The following SMARCC1 variants were observed in gnomAD, a reference collection of about 807,000 sequenced individuals.
The protein encoded by SMARCC1 is SWI/SNF complex subunit SMARCC1.
Under a neutral mutation model 147.4 loss-of-function variants are expected in SMARCC1, and 43 were observed. The ratio of observed to expected loss-of-function variants is 0.29; its 90% CI spans 0.23 to 0.38. The LOEUF is 0.38. Among genes scored for constraint, SMARCC1 ranks in the 10% least tolerant of loss-of-function variants. The pLI is 1.00. For synonymous variants in SMARCC1, 495 were observed against 484.4 expected (o/e 1.02, Z -0.29); for missense variants, 1,119 against 1,381.1 (o/e 0.81, Z 3.01).
chr3:47,706,721 T>C (rs1212522248), intron 9 of SMARCC1, among the ~76,000 whole-genome samples, 191 bp from the exon 10 acceptor site: 1 of 152,192 alleles, frequency 6.6e-6, no homozygotes, highest in Non-Finnish European at 1.5e-5. Context: ...TCAGGTGATA[T>C]ATATCATCAA....
chr3:47,588,449 T>C (rs1181843790), intron 27 of SMARCC1, 143 bp from the exon 28 acceptor site: 18 of 723,896 alleles, frequency 2.5e-5, no homozygotes, highest in Non-Finnish European at 4.1e-5. Flanking sequence ...GATTCCACTG[T>C]GGTCTATGCA....
chr3:47,662,772 G>T (rs1559638302), intron 19 of SMARCC1, among the ~76,000 whole-genome samples, 180 bp from the exon 20 acceptor site: 2 of 151,866 alleles, frequency 1.3e-5, no homozygotes, highest in East Asian at 3.9e-4. Flanking sequence ...TAAAAGACAT[G>T]CATACTGTAA....
chr3:47,756,065 T>A (rs936406271), intron 2 of SMARCC1, among the ~76,000 whole-genome samples: 2 of 129,702 alleles, frequency 1.5e-5, no homozygotes, highest in Non-Finnish European at 3.1e-5. Context: ...CTACAGCCAC[T>A]CAGGAAGCTG....
chr3:47,778,306 TGTTTTGTTTC>T (rs367919506), intron 1 of SMARCC1, among the ~76,000 whole-genome samples: 78 of 152,130 alleles, frequency 5.1e-4, no homozygotes, highest in African/African-American at 1.9e-3. Flanking sequence ...TTTTTTGTTT[TGTTTTGTTTC>T]GTTTTGTTTT....
At chr3:47,658,206 T>A (rs1017193216) in intron 21 of SMARCC1, among the ~76,000 whole-genome samples, 3 of 152,182 alleles carry the variant, frequency 2.0e-5, no homozygotes, top group African/African-American at 7.2e-5. Context: ...TCAACAGTTA[T>A]GAGAGAACAC....
chr3:47,711,960 T>G lies in SMARCC1; in HGVS notation c.793-1152A>C, dbSNP rs983009046. On this transcript the variant is annotated intron_variant, in intron 8 of 27. Transcript: ENST00000254480. ...ATAAATAGAGTGTATAGGCCGGGCG[T>G]GGTGGTTCATGCCTGTAATCCCAGC... is the stretch of plus-strand genomic sequence containing the variant. Among the ~76,000 whole-genome samples, 6 of 152,168 alleles carry G rather than the reference T, an allele frequency of 3.9e-5. No homozygotes were observed. The South Asian group carries it at 1.2e-3, about 31-fold the overall frequency.
chr3:47,614,958 C>G (rs2032617726), intron 25 of SMARCC1, among the ~76,000 whole-genome samples: 1 of 152,204 alleles, frequency 6.6e-6, no homozygotes, highest in African/African-American at 2.4e-5. Flanking sequence ...GCCCACCCAC[C>G]TACTCCCTTG....
intron 11 of SMARCC1, among the ~76,000 whole-genome samples, chr3:47,697,063 T>G (rs1326375502): frequency 6.6e-6 from 1 of 152,088 alleles, no homozygotes; most frequent in African/African-American, 2.4e-5. Flanking sequence ...AAGCCAGACA[T>G]GGTAGCTTGC....
At chr3:47,730,693 C>T (rs1250562481) in intron 5 of SMARCC1, among the ~76,000 whole-genome samples, 2 of 151,846 alleles carry the variant, frequency 1.3e-5, no homozygotes, top group Non-Finnish European at 2.9e-5. Context: ...TGGTGAAACG[C>T]GTGTCTATTA....
rs1009176993 is a variant in SMARCC1, at chr3:47,590,846, G to A, written c.3044-9C>T. The A allele has an allele frequency of 1.9e-6, 3 of 1,599,282 alleles. No homozygotes were observed. Among genetic ancestry groups the A allele is most frequent in the Non-Finnish European group, 2.6e-6 (3 of 1,174,440 alleles). ...TGGGCCTGGTATCTGACCTGTGGAG[G>A]GAGATTTAAAGTACTGTAAGTATAC... On this transcript the variant is annotated splice_polypyrimidine_tract_variant and intron_variant, in intron 26 of 27. Coordinates refer to ENST00000254480, the MANE Select transcript of SMARCC1 (RefSeq NM_003074.4).
At chr3:47,712,519 G>A (rs1048058706) in intron 8 of SMARCC1, among the ~76,000 whole-genome samples, 2 of 152,110 alleles carry the variant, frequency 1.3e-5, no homozygotes, top group Non-Finnish European at 1.5e-5. Flanking sequence ...GTATGTGACA[G>A]CTAACAACTG....
At chr3:47,617,480 C>T (rs1306123091) in intron 25 of SMARCC1, among the ~76,000 whole-genome samples, 1 of 152,204 alleles carries the variant, frequency 6.6e-6, no homozygotes, top group African/African-American at 2.4e-5. Context: ...GAATTTTGTA[C>T]ATATTTGTTG....
intron 3 of SMARCC1, among the ~76,000 whole-genome samples, chr3:47,745,075 C>T (rs2034550961): frequency 6.6e-6 from 1 of 152,128 alleles, no homozygotes; most frequent in Non-Finnish European, 1.5e-5. Flanking sequence ...CGAGACCAGC[C>T]TGGCCAACAT....
At chr3:47,678,564 A>G (rs1042063461) in intron 15 of SMARCC1, among the ~76,000 whole-genome samples, 2 of 152,254 alleles carry the variant, frequency 1.3e-5, no homozygotes, top group Admixed American at 6.5e-5. Context: ...CATAAATTCA[A>G]ACTTGGTCAT....
chr3:47,687,413 T>C (rs1374523409), intron 13 of SMARCC1, among the ~76,000 whole-genome samples: 1 of 152,192 alleles, frequency 6.6e-6, no homozygotes, highest in Non-Finnish European at 1.5e-5. Flanking sequence ...GGCATTGCAA[T>C]TAATGAAGGC....
chr3:47,652,120 C>A (rs1339230887), intron 21 of SMARCC1, among the ~76,000 whole-genome samples: 1 of 152,292 alleles, frequency 6.6e-6, no homozygotes, highest in Non-Finnish European at 1.5e-5. Flanking sequence ...CAGGTTTGCA[C>A]CACCATGCTC....
intron 24 of SMARCC1, among the ~76,000 whole-genome samples, chr3:47,629,339 T>C (rs1226574360): frequency 1.3e-5 from 2 of 152,216 alleles, no homozygotes; most frequent in Admixed American, 6.5e-5. Context: ...CAGCTTGATA[T>C]CATAATGAGA....
rs1292205425 is a variant in SMARCC1 at position 47,696,685 on chromosome 3, A to AT, written c.1166-3386dup. Among the ~76,000 whole-genome samples, 6 of 150,854 alleles carry AT rather than the reference A, an allele frequency of 4.0e-5. No individual in the cohort carries two copies. In the East Asian group the frequency reaches 9.8e-4, roughly 25 times the overall value. On this transcript the variant is annotated intron_variant, in intron 11 of 27. Transcript: ENST00000254480. ...AGGCACCCACCACCACACCCGGCTA[A>AT]TTTTTTTTTGTATTTTTAGTAGAGA...
At chr3:47,764,845 T>C (rs1281516665) in intron 2 of SMARCC1, among the ~76,000 whole-genome samples, 1 of 152,232 alleles carries the variant, frequency 6.6e-6, no homozygotes, top group East Asian at 1.9e-4. Flanking sequence ...ATTTCCTACA[T>C]GGCCCCCAAG....
Sources: allele counts gnomAD v4.1 joint callset (sites outside exome capture counted in the v4.1 genomes callset), GRCh38; gene constraint gnomAD v4.1.1; transcripts MANE v1.5; gene names NCBI Gene and HGNC (gene_info 2026-07-23, HGNC 2026-07-21).